Variants in PRKG1 observed in about 807,000 individuals in gnomAD.
The protein encoded by PRKG1 is protein kinase cGMP-dependent 1.
A neutral mutation model predicts 88.1 loss-of-function variants in PRKG1; 35 were observed. The ratio of observed to expected loss-of-function variants is 0.40; its 90% CI spans 0.30 to 0.53. The LOEUF is 0.53. Among genes scored for constraint, PRKG1 ranks in the 20% least tolerant of loss-of-function variants. The pLI, the probability that PRKG1 is intolerant of heterozygous loss-of-function variation, is 0.59. For missense variants in PRKG1, 540 were observed against 839.8 expected (o/e 0.64, Z 4.41); for synonymous variants, 303 against 292.5 (o/e 1.04, Z -0.37).
intron 4 of PRKG1, among the ~76,000 whole-genome samples, chr10:51,857,159 G>A (rs1231487877): frequency 6.6e-6 from 1 of 151,930 alleles, no homozygotes; most frequent in Non-Finnish European, 1.5e-5. Context: ...TTATTTTGGG[G>A]GTGAAGTTGA....
At chr10:51,374,096 ATATAT>A (rs1564466868) in intron 2 of PRKG1, among the ~76,000 whole-genome samples, 8 of 100,824 alleles carry the variant, frequency 7.9e-5, no homozygotes, top group African/African-American at 2.5e-4. Context: ...AAAAAAAAAT[ATATAT>A]ATATATATAT....
chr10:51,780,989 T>G (rs887908508), intron 3 of PRKG1, among the ~76,000 whole-genome samples: 1 of 152,112 alleles, frequency 6.6e-6, no homozygotes, highest in Non-Finnish European at 1.5e-5. Context: ...ATTCTGGAAT[T>G]TTTTGAAGTC....
chr10:51,346,228 C>G (rs969151576), intron 2 of PRKG1, among the ~76,000 whole-genome samples: 1 of 152,082 alleles, frequency 6.6e-6, no homozygotes, highest in African/African-American at 2.4e-5. Context: ...TTTAGATTAG[C>G]GTACAATTGG....
intron 7 of PRKG1, chr10:52,125,874 A>T (rs910944934): frequency 6.6e-6 from 1 of 152,082 alleles, no homozygotes; most frequent in Non-Finnish European, 1.5e-5. Flanking sequence ...TGCCAGCATC[A>T]CTACTCTTGC....
intron 3 of PRKG1, among the ~76,000 whole-genome samples, chr10:51,778,504 G>T (rs532726304): frequency 6.6e-6 from 1 of 152,062 alleles, no homozygotes; most frequent in South Asian, 2.1e-4. Context: ...ACTTTATTTT[G>T]CTCAGGTTAA....
chr10:51,393,428 G>A (rs980732036), intron 2 of PRKG1, among the ~76,000 whole-genome samples: 6 of 152,062 alleles, frequency 3.9e-5, no homozygotes, highest in East Asian at 3.9e-4. Flanking sequence ...GGGCGGCCAG[G>A]CAGAGACGCT....
intron 2 of PRKG1, among the ~76,000 whole-genome samples, chr10:51,211,066 A>G (rs1181952989): frequency 1.3e-5 from 2 of 152,234 alleles, no homozygotes; most frequent in Admixed American, 1.3e-4. Flanking sequence ...AAAATCCTCA[A>G]TAAAATACTG....
At chr10:51,895,086 TA>T (rs1219296977) in intron 4 of PRKG1, among the ~76,000 whole-genome samples, 1 of 152,198 alleles carries the variant, frequency 6.6e-6, no homozygotes, top group Non-Finnish European at 1.5e-5. Context: ...AAAATTGTTA[TA>T]TTTGCTGCCA....
intron 5 of PRKG1, among the ~76,000 whole-genome samples, chr10:51,971,553 A>C (rs1432880327): frequency 6.6e-6 from 1 of 152,096 alleles, no homozygotes; most frequent in Non-Finnish European, 1.5e-5. Flanking sequence ...ACTCCAATAT[A>C]AAAGAATAAA....
At chr10:51,986,163 T>A (rs1436430967) in intron 5 of PRKG1, among the ~76,000 whole-genome samples, 1 of 152,082 alleles carries the variant, frequency 6.6e-6, no homozygotes, top group African/African-American at 2.4e-5. Context: ...CAGTTTCTAA[T>A]GAATGCATAT....
At chr10:52,131,015 G>A (rs575630575) in intron 7 of PRKG1, among the ~76,000 whole-genome samples, 1 of 152,140 alleles carries the variant, frequency 6.6e-6, no homozygotes, top group African/African-American at 2.4e-5. Flanking sequence ...ATAGTGAGTG[G>A]CTACTCGTAT....
intron 2 of PRKG1, among the ~76,000 whole-genome samples, chr10:51,344,259 TG>T (rs1189628189): frequency 2.0e-5 from 3 of 152,042 alleles, no homozygotes; most frequent in Admixed American, 6.6e-5. Flanking sequence ...GAGAGAGAGC[TG>T]GGGGGGTACC....
At chr10:51,151,928 G>A (rs1334849096) in intron 1 of PRKG1, among the ~76,000 whole-genome samples, 1 of 151,968 alleles carries the variant, frequency 6.6e-6, no homozygotes, top group Non-Finnish European at 1.5e-5. Context: ...TCCCCTGGAA[G>A]CCACTTGCTA....
At chr10:51,808,734 A>T (rs1839373081) in intron 4 of PRKG1, among the ~76,000 whole-genome samples, 1 of 152,158 alleles carries the variant, frequency 6.6e-6, no homozygotes, top group Admixed American at 6.5e-5. Flanking sequence ...GCTAAATAAA[A>T]CTTGCATCTA....
intron 2 of PRKG1, among the ~76,000 whole-genome samples, chr10:51,441,153 C>A (rs1295713516): frequency 1.3e-5 from 2 of 151,728 alleles, no homozygotes; most frequent in African/African-American, 2.4e-5. Flanking sequence ...GGATGGTGAC[C>A]ATGATGGGCA....
intron 1 of PRKG1, among the ~76,000 whole-genome samples, chr10:51,066,082 C>T (rs763142246): frequency 9.9e-5 from 15 of 151,712 alleles, no homozygotes; most frequent in South Asian, 2.1e-4. Flanking sequence ...TAGGTCTTCA[C>T]GGGCAAAAAG....
intron 1 of PRKG1, among the ~76,000 whole-genome samples, chr10:51,092,732 T>C (rs540860139): frequency 2.0e-5 from 3 of 152,312 alleles, no homozygotes; most frequent in African/African-American, 7.2e-5. Context: ...GAATAAAGAA[T>C]AGTCTTACTT....
intron 9 of PRKG1, among the ~76,000 whole-genome samples, chr10:52,225,693 TCTC>T (rs1840370858): frequency 6.6e-6 from 1 of 152,132 alleles, no homozygotes; most frequent in Non-Finnish European, 1.5e-5. Context: ...CTAGTTTCAT[TCTC>T]CTACATGTGG....
intron 5 of PRKG1, among the ~76,000 whole-genome samples, chr10:51,948,204 C>A (rs893554384): frequency 1.3e-5 from 2 of 152,064 alleles, no homozygotes; most frequent in African/African-American, 4.8e-5. Context: ...TCAGGAGTTT[C>A]ATGTACTGAG....
Sources: gnomAD v4.1 joint callset for allele counts (sites outside exome capture counted in the v4.1 genomes callset) on GRCh38, gnomAD v4.1.1 for gene constraint, MANE v1.5 for transcripts, NCBI Gene and HGNC (gene_info 2026-07-23, HGNC 2026-07-21) for gene names.